The following CRYBG1 variants were observed in gnomAD, a reference collection of about 807,000 sequenced individuals.
CRYBG1 encodes beta/gamma crystallin domain-containing protein 1.
A neutral mutation model predicts 189.2 loss-of-function variants in CRYBG1; 139 were observed. The observed-to-expected ratio is 0.73, with a 90% confidence interval of 0.64 to 0.85. The LOEUF is 0.85. Ranked by LOEUF, CRYBG1 falls within the 40% of genes least tolerant of loss-of-function variation. The pLI is 0.00. For missense variants in CRYBG1, 2,611 were observed against 2,675.8 expected (o/e 0.98, Z 0.53); for synonymous variants, 1,023 against 1,017.1 (o/e 1.01, Z -0.11).
intron 2 of CRYBG1, among the ~76,000 whole-genome samples, chr6:106,508,712 C>T (rs1392710807): frequency 6.6e-6 from 1 of 151,670 alleles, no homozygotes; most frequent in Non-Finnish European, 1.5e-5. Flanking sequence ...TTTATCTGTT[C>T]ACAAGCCATG....
chr6:106,412,552 G>GGCAT (rs1473651914), intron 1 of CRYBG1, among the ~76,000 whole-genome samples: 1 of 152,138 alleles, frequency 6.6e-6, no homozygotes. Context: ...TGTGTAAGGT[G>GGCAT]GCATGGATTG....
intron 1 of CRYBG1, among the ~76,000 whole-genome samples, chr6:106,399,762 T>C (rs1034063258): frequency 4.6e-5 from 7 of 151,226 alleles, no homozygotes; most frequent in Non-Finnish European, 1.5e-5. Flanking sequence ...GCTCAAGGCA[T>C]CCTGCCACCT....
chr6:106,399,630 G>A (rs191603145), intron 1 of CRYBG1, among the ~76,000 whole-genome samples: 23 of 150,986 alleles, frequency 1.5e-4, no homozygotes, highest in Admixed American at 1.1e-3. Flanking sequence ...TGGGTTTTCC[G>A]ATCGGTCCTT....
At chr6:106,410,802 T>C (rs758723105) in intron 1 of CRYBG1, among the ~76,000 whole-genome samples, 28 of 151,564 alleles carry the variant, frequency 1.8e-4, no homozygotes, top group Non-Finnish European at 3.4e-4. Flanking sequence ...TAAGTGGGAG[T>C]TGAACAATGA....
At position 106,517,497 on chromosome 6, in the gene CRYBG1, CAT is replaced by C. The variant is rs759313309; in HGVS notation, c.1923-1622_1923-1621del. 3.0e-3 allele frequency among the ~76,000 whole-genome samples: 424 copies of C among 141,792 alleles called. 4 individuals carry two copies. The highest frequency in any genetic ancestry group is 0.011 in the African/African-American group (405 of 38,066). 93.0% of individuals were successfully genotyped at this position (141,792 alleles called of 152,430 possible). On this transcript the variant is annotated intron_variant, in intron 3 of 21. Transcript: ENST00000633556. ...ACATATATATATACACACACACACA[CAT>C]ATATATATATACACACACACATATA...
In CRYBG1 at chr6:106,373,330, G is replaced by T. The variant is rs1770080517; in HGVS notation, c.173+12249G>T. 2.0e-5 allele frequency among the ~76,000 whole-genome samples: 3 copies of T among 152,120 alleles called. No homozygotes were observed. In the South Asian group the frequency reaches 6.2e-4, roughly 31 times the overall value. On this transcript the variant is annotated intron_variant, in intron 1 of 21. Transcript: ENST00000633556. ...TTTCCAATCTAGCCACAAAGTCTTAGTACCTGCTACTGGGGTGATTCACTG... is the reference window on the plus strand; with the variant it reads ...TTTCCAATCTAGCCACAAAGTCTTATTACCTGCTACTGGGGTGATTCACTG...
rs976061648 is a variant in CRYBG1, at chr6:106,517,465, C to T, written c.1923-1666C>T. Among the ~76,000 whole-genome samples the T allele has an allele frequency of 2.7e-4, 28 of 104,460 alleles. No individual in the cohort carries two copies. In the South Asian group the frequency reaches 8.1e-3, roughly 30 times the overall value. 68.5% of individuals were successfully genotyped at this position (104,460 alleles called of 152,430 possible). ...ATATATATACACACATATATATATA[C>T]ACACACACATATATATATACACACA... On this transcript the variant is annotated intron_variant, in intron 3 of 21. Coordinates refer to ENST00000633556, the MANE Select transcript of CRYBG1 (RefSeq NM_001371242.2).
intron 2 of CRYBG1, among the ~76,000 whole-genome samples, chr6:106,505,843 T>C (rs989794524): frequency 6.6e-6 from 1 of 152,136 alleles, no homozygotes; most frequent in Admixed American, 6.5e-5. Flanking sequence ...TAATATCCAG[T>C]TGACTCATTC....
chr6:106,541,874 G>A (rs935011076), intron 10 of CRYBG1, among the ~76,000 whole-genome samples: 3 of 152,056 alleles, frequency 2.0e-5, no homozygotes, highest in Admixed American at 2.0e-4. Context: ...TGGCTCAGAA[G>A]GGTCATTGTT....
rs1329663359 is a variant in CRYBG1, at chr6:106,408,292, G to A, written c.174-43402G>A. ...ATCTAGAAGAAATGGATAAATTCCT[G>A]GACACAAACACACTACCAAGACTAA... On this transcript the variant is annotated intron_variant, in intron 1 of 21. Coordinates refer to ENST00000633556, the MANE Select transcript of CRYBG1 (RefSeq NM_001371242.2). 3.9e-5 allele frequency among the ~76,000 whole-genome samples: 6 copies of A among 152,094 alleles called. No homozygotes were observed. The East Asian group carries it at 1.2e-3, about 29-fold the overall frequency.
chr6:106,534,222 A>T (rs1360057119), intron 8 of CRYBG1, among the ~76,000 whole-genome samples: 2 of 152,272 alleles, frequency 1.3e-5, no homozygotes, highest in Admixed American at 1.3e-4. Context: ...ACCTTAAATG[A>T]TATTTCTTAC....
Position 106,512,612 on chromosome 6 carries a change from G to A in CRYBG1, c.1495G>A (p.Glu499Lys). The change falls in exon 3 of 22, where the codon GAG becomes AAG. Residue 499 changes from glutamate to lysine, a missense_variant. Physicochemically the swap from Glu to Lys is moderately conservative, Grantham distance 56. Coordinates refer to ENST00000633556, the MANE Select transcript of CRYBG1 (RefSeq NM_001371242.2). ...SPGTKGQLRG[E>K]SDRSKQPPPA... ...CGGTACCAAAGGGCAGCTCCGAGGG[G>A]AGTCGGACCGGAGCAAACAGCCACC... 6.2e-7 allele frequency: 1 copy of A among 1,601,126 alleles called. No individual in the cohort carries two copies. The highest frequency in any genetic ancestry group is 8.5e-7 in the Non-Finnish European group (1 of 1,174,814).
chr6:106,386,003 C>A (rs9373857), intron 1 of CRYBG1, among the ~76,000 whole-genome samples: 10,485 of 152,158 alleles, frequency 0.069, 523 homozygotes, highest in East Asian at 0.15. Flanking sequence ...ACAACAACAA[C>A]AAAAAACCTC....
At chr6:106,490,771 C>A (rs143561567) in intron 2 of CRYBG1, among the ~76,000 whole-genome samples, 15 of 152,300 alleles carry the variant, frequency 9.8e-5, no homozygotes, top group Non-Finnish European at 1.8e-4. Flanking sequence ...CTAGAATTGA[C>A]CCCTGGCAAA....
intron 1 of CRYBG1, among the ~76,000 whole-genome samples, chr6:106,429,228 G>A (rs144623642): frequency 0.012 from 1,771 of 152,318 alleles, 15 homozygotes; most frequent in Non-Finnish European, 0.017. Flanking sequence ...ATAATGAAAG[G>A]ATGACATGTG....
chr6:106,372,687 A>G (rs1343862934), intron 1 of CRYBG1, among the ~76,000 whole-genome samples: 2 of 152,238 alleles, frequency 1.3e-5, no homozygotes, highest in African/African-American at 4.8e-5. Context: ...CTTTTTGGCC[A>G]GATAATTCTC....
chr6:106,395,620 A>T (rs1026298672), intron 1 of CRYBG1, among the ~76,000 whole-genome samples: 1 of 152,078 alleles, frequency 6.6e-6, no homozygotes, highest in African/African-American at 2.4e-5. Context: ...TACTTGGACC[A>T]TGAATAATTT....
intron 8 of CRYBG1, among the ~76,000 whole-genome samples, chr6:106,532,646 C>G (rs1165839676): frequency 6.6e-6 from 1 of 152,086 alleles, no homozygotes; most frequent in East Asian, 1.9e-4. Context: ...ATTTGCATTT[C>G]CCTGATCTTG....
intron 2 of CRYBG1, among the ~76,000 whole-genome samples, chr6:106,505,636 G>T (rs1407414702): frequency 6.6e-6 from 1 of 151,936 alleles, no homozygotes; most frequent in Non-Finnish European, 1.5e-5. Context: ...CTATTGAACA[G>T]AATTTTCTAA....
Sources: allele counts gnomAD v4.1 joint callset (sites outside exome capture counted in the v4.1 genomes callset), GRCh38; gene constraint gnomAD v4.1.1; transcripts MANE v1.5; gene names NCBI Gene and HGNC (gene_info 2026-07-23, HGNC 2026-07-21).